TOR1AIP2: variants seen among roughly 807,000 people sequenced by gnomAD.
The protein encoded by TOR1AIP2 is torsin 1A interacting protein 2, also known as torsin-1A-interacting protein 2.
In TOR1AIP2, 20 loss-of-function variants were observed where a neutral mutation model predicts 32.6. The observed-to-expected ratio is 0.61, with a 90% CI of 0.43 to 0.89. The LOEUF is 0.89. Ranked by LOEUF, TOR1AIP2 falls within the 40% of genes least tolerant of loss-of-function variation. TOR1AIP2 has a pLI of 0.00. For synonymous variants in TOR1AIP2, 214 were observed against 210.8 expected, an observed-to-expected ratio of 1.02 and a Z score of -0.13; for missense variants, 456 against 553.8, an observed-to-expected ratio of 0.82 and a Z score of 1.77.
chr1:179,877,256 T>C lies in TOR1AIP2; in HGVS notation c.-583A>G, dbSNP rs1558033323. 6.6e-6 allele frequency: 1 copy of C among 152,054 alleles called. No homozygotes were observed. The highest frequency in any genetic ancestry group is 2.1e-4 in the South Asian group (1 of 4,808). 9.4% of individuals were successfully genotyped at this position (152,054 alleles called of 1,614,324 possible). A position where few individuals can be genotyped will look rare whatever the true frequency, so the allele number is the denominator to read the frequency against. On this transcript the variant is annotated 5_prime_UTR_variant, in exon 2 of 7. Transcript: ENST00000609928. ...CAACCTACCTCGTTTACTGTTTGAG[T>C]GAGGCCAGGCGTGGTGGCTCACGCC... is the stretch of plus-strand genomic sequence containing the variant.
intron 3 of TOR1AIP2, among the ~76,000 whole-genome samples, chr1:179,856,766 A>C (rs1696319019): frequency 6.6e-6 from 1 of 152,112 alleles, no homozygotes; most frequent in South Asian, 2.1e-4. Context: ...GCTGCGCACC[A>C]CCGTGCCCAG....
At chr1:179,867,119 GAAGT>G (rs1327443914) in intron 2 of TOR1AIP2, among the ~76,000 whole-genome samples, 4 of 152,198 alleles carry the variant, frequency 2.6e-5, no homozygotes, top group African/African-American at 7.2e-5. Context: ...TCTCCTTACA[GAAGT>G]AATAGCTGTG....
At chr1:179,862,379 G>C in intron 3 of TOR1AIP2, 1 of 985,368 alleles carries the variant, frequency 1.0e-6, no homozygotes, top group Non-Finnish European at 1.2e-6. Flanking sequence ...TTTAGGAGGA[G>C]TTGTAGGATA....
At chr1:179,873,129 C>G (rs965220480) in intron 2 of TOR1AIP2, among the ~76,000 whole-genome samples, 10 of 152,112 alleles carry the variant, frequency 6.6e-5, no homozygotes, top group Non-Finnish European at 1.5e-5. Context: ...ATTTGTGACC[C>G]TTTCTTGTCT....
chr1:179,842,367 T>C lies in TOR1AIP2; in HGVS notation c.*3704A>G, dbSNP rs755951946. ...AAATGTATTGAAATGTCTTTATTGA[T>C]TGCTTTTTAAAATAGAAATATGAAA... On this transcript the variant is annotated 3_prime_UTR_variant, in exon 7 of 7. Transcript: ENST00000609928. The C allele has an allele frequency of 5.3e-5, 8 of 152,206 alleles. No individual in the cohort carries two copies. Among genetic ancestry groups the C allele is most frequent in the Admixed American group, 3.9e-4 (6 of 15,268 alleles). 9.4% of individuals were successfully genotyped at this position (152,206 alleles called of 1,614,324 possible).
At chr1:179,859,025 T>C (rs753898118) in intron 3 of TOR1AIP2, 3 of 980,940 alleles carry the variant, frequency 3.1e-6, no homozygotes, top group Non-Finnish European at 3.6e-6. Context: ...GTATGACAGT[T>C]GGGGTAGAAT....
intron 3 of TOR1AIP2, chr1:179,862,465 A>T (rs1696581027): frequency 8.1e-6 from 8 of 985,464 alleles, no homozygotes; most frequent in Non-Finnish European, 8.4e-6. Context: ...TAGTTTATTC[A>T]GCAATATAAC....
rs566149368 is a variant in TOR1AIP2 at position 179,839,976 on chromosome 1, T to A, written c.*6095A>T. On this transcript the variant is annotated 3_prime_UTR_variant, in exon 7 of 7. Transcript: ENST00000609928. ...TCAAGAATCAGTCCGCTGAAAAAAA[T>A]TCAGATTTATTCTTTATTCTGGTAA... 7.9e-5 allele frequency: 12 copies of A among 152,326 alleles called. No homozygotes were observed. The South Asian group carries it at 2.1e-3, about 26-fold the overall frequency. 9.4% of individuals were successfully genotyped at this position (152,326 alleles called of 1,614,324 possible).
In TOR1AIP2 at chr1:179,851,064, G is replaced by A. The variant is rs1372983351; in HGVS notation, c.334C>T (p.Pro112Ser). The A allele has an allele frequency of 1.2e-6, 2 of 1,614,204 alleles. No homozygotes were observed. The highest frequency in any genetic ancestry group is 1.7e-6 in the Non-Finnish European group (2 of 1,180,034). ...GAATGGCTGGGATCTGGATCCAAGG[G>A]TTCTTTACCCAGATTTTCTGAAGGG... ...HLPSENLGKE[P>S]LDPDPSHSPS... The change falls in exon 5 of 7, where the codon CCC (proline) becomes TCC (serine). Residue 112 changes from proline (P) to serine (S), a missense_variant. Coordinates refer to ENST00000609928, the MANE Select transcript of TOR1AIP2 (RefSeq NM_001199260.2).
At chr1:179,864,061 AAAGAC>A (rs1043496411) in intron 3 of TOR1AIP2, 25 of 985,334 alleles carry the variant, frequency 2.5e-5, no homozygotes, top group Admixed American at 6.1e-5. Flanking sequence ...CAGTCACCAC[AAAGAC>A]AAGACAGTCT....
intron 6 of TOR1AIP2, 107 bp downstream of exon 6, chr1:179,847,428 T>C (rs191003966): frequency 7.6e-6 from 6 of 784,454 alleles, no homozygotes; most frequent in Admixed American, 4.0e-5. Flanking sequence ...AATAAGTATA[T>C]ATAAACACAA....
At chr1:179,873,519 T>G (rs978875499) in intron 2 of TOR1AIP2, among the ~76,000 whole-genome samples, 1 of 152,246 alleles carries the variant, frequency 6.6e-6, no homozygotes, top group Non-Finnish European at 1.5e-5. Context: ...CTTGATCACT[T>G]TGTTAACATA....
intron 2 of TOR1AIP2, chr1:179,876,120 T>C (rs959564412): frequency 2.6e-5 from 4 of 152,216 alleles, no homozygotes; most frequent in Non-Finnish European, 4.4e-5. Flanking sequence ...ACAAGGCTTT[T>C]TGAAGCAAAC....
At chr1:179,855,868 T>C (rs1696280040) in intron 3 of TOR1AIP2, among the ~76,000 whole-genome samples, 1 of 152,150 alleles carries the variant, frequency 6.6e-6, no homozygotes, top group African/African-American at 2.4e-5. Context: ...TCTTTAAAAG[T>C]TGTAAAATTA....
intron 3 of TOR1AIP2, among the ~76,000 whole-genome samples, chr1:179,854,237 TG>T (rs556274499): frequency 1.7e-3 from 264 of 152,290 alleles, no homozygotes; most frequent in Non-Finnish European, 3.0e-3. Flanking sequence ...TTTTATGGTA[TG>T]TAAATTATAC....
intron 2 of TOR1AIP2, among the ~76,000 whole-genome samples, chr1:179,871,147 T>G (rs965447658): frequency 1.3e-5 from 2 of 152,146 alleles, no homozygotes; most frequent in Non-Finnish European, 2.9e-5. Flanking sequence ...CACAGGAAAT[T>G]TAGGGAGGCC....
At chr1:179,867,544 CATTTA>C (rs1466975750) in intron 2 of TOR1AIP2, 1 of 152,212 alleles carries the variant, frequency 6.6e-6, no homozygotes, top group Non-Finnish European at 1.5e-5. Flanking sequence ...AAAAGTCTGA[CATTTA>C]ATTGATCAGA....
Position 179,850,955 on chromosome 1 carries a change from C to A in TOR1AIP2, c.443G>T (p.Gly148Val), listed in dbSNP as rs777222778. Residue 148 changes from glycine (G) to valine (V), a missense_variant, in exon 5 of 7, where the codon GGA becomes GTA. By Grantham distance (109) the Gly-to-Val change is moderately radical. Transcript: ENST00000609928. ...ALPKEASDGT[G>V]ASQEPPTTDS... ...TGTAGTAGGTGGTTCCTGAGATGCT[C>A]CAGTTCCGTCACTCGCTTCCTTAGG... 6.2e-7 allele frequency: 1 copy of A among 1,614,180 alleles called. No homozygotes were observed. Among genetic ancestry groups the A allele is most frequent in the Non-Finnish European group, 8.5e-7 (1 of 1,180,020 alleles).
chr1:179,850,913 T>C lies in TOR1AIP2; in HGVS notation c.485A>G (p.Gln162Arg). 1 of 1,614,194 alleles carries C rather than the reference T, an allele frequency of 6.2e-7. No homozygotes were observed. Among genetic ancestry groups the C allele is most frequent in the South Asian group, 1.1e-5 (1 of 91,082 alleles). Reference protein sequence around the residue: ...EPPTTDSQEAQSPGHSSAGQE... With the variant: ...EPPTTDSQEARSPGHSSAGQE... ...CCCTGCACTGGAATGACCAGGACTC[T>C]GGGCCTCCTGGGAGTCTGTAGTAGG... is the stretch of plus-strand genomic sequence containing the variant. Residue 162 changes from glutamine (Q) to arginine (R), a missense_variant, in exon 5 of 7, where the codon CAG (glutamine) becomes CGG (arginine). Transcript: ENST00000609928.
Sources: gnomAD v4.1 joint callset for allele counts (sites outside exome capture counted in the v4.1 genomes callset) on GRCh38, gnomAD v4.1.1 for gene constraint, MANE v1.5 for transcripts, NCBI Gene and HGNC (gene_info 2026-07-23, HGNC 2026-07-21) for gene names.